Variants in PLXDC2 observed in about 807,000 individuals in gnomAD.
PLXDC2 encodes plexin domain containing 2.
PLXDC2 carries 40 observed loss-of-function variants against 68.9 expected under a neutral mutation model. That is an observed-to-expected ratio of 0.58 (90% CI 0.45 to 0.76). The LOEUF (loss-of-function observed/expected upper bound fraction) is 0.76, where lower values mean the gene tolerates loss of function less well. Ranked by LOEUF, PLXDC2 falls within the 30% of genes least tolerant of loss-of-function variation. PLXDC2 has a pLI of 0.00. For missense variants in PLXDC2, 644 were observed against 661.9 expected (o/e 0.97, Z 0.30); for synonymous variants, 243 against 234.2 (o/e 1.04, Z -0.34).
intron 12 of PLXDC2, among the ~76,000 whole-genome samples, chr10:20,228,656 A>G (rs1835318659): frequency 6.6e-6 from 1 of 151,084 alleles, no homozygotes; most frequent in African/African-American, 2.4e-5. Flanking sequence ...GAAACAAGGA[A>G]GGAAAGAAGG....
intron 13 of PLXDC2, among the ~76,000 whole-genome samples, chr10:20,277,278 C>T (rs890682835): frequency 6.7e-6 from 1 of 148,748 alleles, no homozygotes; most frequent in Non-Finnish European, 1.5e-5. Flanking sequence ...TGACCACATG[C>T]AGACTGACAT....
chr10:20,254,299 G>A (rs1363812348), intron 13 of PLXDC2, among the ~76,000 whole-genome samples: 1 of 152,184 alleles, frequency 6.6e-6, no homozygotes, highest in Non-Finnish European at 1.5e-5. Context: ...AGCCAGGCAA[G>A]AATTCAAAGA....
At chr10:19,898,332 T>C (rs984028234) in intron 1 of PLXDC2, among the ~76,000 whole-genome samples, 1 of 152,194 alleles carries the variant, frequency 6.6e-6, no homozygotes, top group African/African-American at 2.4e-5. Context: ...AATTTAGATA[T>C]AATAATCATC....
At chr10:20,157,636 T>C (rs147509113) in intron 6 of PLXDC2, among the ~76,000 whole-genome samples, 188 of 152,296 alleles carry the variant, frequency 1.2e-3, no homozygotes, top group African/African-American at 4.4e-3. Context: ...TGTCTTTGAC[T>C]CTCCTTCCAA....
chr10:19,910,665 T>C (rs1833253483), intron 1 of PLXDC2, among the ~76,000 whole-genome samples: 1 of 143,028 alleles, frequency 7.0e-6, no homozygotes, highest in Non-Finnish European at 1.5e-5. Context: ...GCTTCAAAGG[T>C]GGAAGATAGA....
intron 1 of PLXDC2, among the ~76,000 whole-genome samples, chr10:19,946,209 C>T (rs1459481801): frequency 1.3e-5 from 2 of 152,176 alleles, no homozygotes; most frequent in African/African-American, 2.4e-5. Flanking sequence ...CTAGATGTCA[C>T]TGCCTGAGTG....
intron 1 of PLXDC2, among the ~76,000 whole-genome samples, chr10:19,969,093 A>G (rs1005909812): frequency 6.6e-6 from 1 of 152,144 alleles, no homozygotes; most frequent in Non-Finnish European, 1.5e-5. Context: ...CAATTGTTTG[A>G]TTCTCTTCTA....
intron 3 of PLXDC2, among the ~76,000 whole-genome samples, chr10:20,059,512 A>G (rs543125947): frequency 1.5e-4 from 23 of 152,332 alleles, no homozygotes; most frequent in African/African-American, 4.8e-4. Context: ...GAAGAGCACC[A>G]TTCAATAGCC....
chr10:20,049,871 A>G (rs1010753620), intron 3 of PLXDC2, among the ~76,000 whole-genome samples: 4 of 152,166 alleles, frequency 2.6e-5, no homozygotes, highest in South Asian at 4.1e-4. Flanking sequence ...TTTAAAATTC[A>G]TATGGAACCA....
intron 2 of PLXDC2, among the ~76,000 whole-genome samples, chr10:20,045,234 C>A (rs190372251): frequency 1.3e-5 from 2 of 152,040 alleles, no homozygotes; most frequent in African/African-American, 4.8e-5. Flanking sequence ...TGCAGTGGTA[C>A]GATCTTGGCT....
intron 1 of PLXDC2, among the ~76,000 whole-genome samples, chr10:19,976,612 A>G (rs2131616273): frequency 6.6e-6 from 1 of 152,300 alleles, no homozygotes; most frequent in East Asian, 1.9e-4. Flanking sequence ...TTTCATGATG[A>G]TGTGCCCAGA....
Position 20,281,347 on chromosome 10 carries a change from C to A in PLXDC2, c.*1528C>A, listed in dbSNP as rs548437560. ...TTCAGGTACTGAGTGTACAATTTCACCAACATTCTAACCCATGAAACTTTT... is the reference window on the plus strand; with the variant it reads ...TTCAGGTACTGAGTGTACAATTTCAACAACATTCTAACCCATGAAACTTTT... On this transcript the variant is annotated 3_prime_UTR_variant, in exon 14 of 14. Transcript: ENST00000377252. The A allele has an allele frequency of 5.9e-5, 9 of 152,224 alleles. 1 individual carries two copies. In the South Asian group the frequency reaches 1.9e-3, roughly 32 times the overall value. 9.4% of individuals were successfully genotyped at this position (152,224 alleles called of 1,614,324 possible). A position where few individuals can be genotyped will look rare whatever the true frequency, so the allele number is the denominator to read the frequency against.
At chr10:19,830,528 A>G (rs1010940094) in intron 1 of PLXDC2, among the ~76,000 whole-genome samples, 2 of 152,070 alleles carry the variant, frequency 1.3e-5, no homozygotes, top group Non-Finnish European at 2.9e-5. Flanking sequence ...CTATCTCCTC[A>G]GTATCTCTTT....
At chr10:19,960,798 C>A (rs1277518820) in intron 1 of PLXDC2, among the ~76,000 whole-genome samples, 1 of 152,128 alleles carries the variant, frequency 6.6e-6, no homozygotes, top group Non-Finnish European at 1.5e-5. Flanking sequence ...GCGACACAGA[C>A]CTTGAGCAAT....
intron 3 of PLXDC2, among the ~76,000 whole-genome samples, chr10:20,047,300 T>A (rs1835814163): frequency 6.6e-6 from 1 of 152,176 alleles, no homozygotes; most frequent in South Asian, 2.1e-4. Flanking sequence ...TAAATTGAGC[T>A]TTATCTTGGA....
intron 1 of PLXDC2, among the ~76,000 whole-genome samples, chr10:19,946,607 G>A (rs1173258302): frequency 1.3e-5 from 2 of 151,660 alleles, no homozygotes; most frequent in Non-Finnish European, 2.9e-5. Flanking sequence ...TGGCACCAGA[G>A]ACCGATTTTG....
Position 20,260,874 on chromosome 10 carries a change from C to T in PLXDC2, c.1473+15369C>T, listed in dbSNP as rs1835801232. 2.6e-5 allele frequency among the ~76,000 whole-genome samples: 4 copies of T among 152,302 alleles called. No homozygotes were observed. In the South Asian group the frequency reaches 8.3e-4, roughly 32 times the overall value. ...CAACACTTGTTATCTCTTGTCTTTT[C>T]AATAATATTCATCCTACAGGTGTTA... On this transcript the variant is annotated intron_variant, in intron 13 of 13. Transcript: ENST00000377252.
intron 4 of PLXDC2, among the ~76,000 whole-genome samples, chr10:20,125,055 G>A (rs1359814622): frequency 6.6e-6 from 1 of 152,096 alleles, no homozygotes; most frequent in Non-Finnish European, 1.5e-5. Flanking sequence ...ATTTGGATAG[G>A]ACAACTCTTC....
At chr10:19,959,325 T>C (rs1834120040) in intron 1 of PLXDC2, among the ~76,000 whole-genome samples, 1 of 152,132 alleles carries the variant, frequency 6.6e-6, no homozygotes, top group African/African-American at 2.4e-5. Flanking sequence ...AAAAGGAAGA[T>C]GAAATCAAAG....
Sources: allele counts gnomAD v4.1 joint callset (sites outside exome capture counted in the v4.1 genomes callset), GRCh38; gene constraint gnomAD v4.1.1; transcripts MANE v1.5; gene names NCBI Gene and HGNC (gene_info 2026-07-23, HGNC 2026-07-21).